Variants in UGT8 observed in about 807,000 individuals in gnomAD.
The protein encoded by UGT8 is 2-hydroxyacylsphingosine 1-beta-galactosyltransferase.
UGT8 carries 12 observed loss-of-function variants against 40.5 expected under a neutral mutation model. That is an observed-to-expected ratio of 0.30 (90% CI 0.19 to 0.48). The LOEUF is 0.48. Ranked by LOEUF, UGT8 falls within the 20% of genes least tolerant of loss-of-function variation. UGT8 has a pLI of 0.99. For missense variants in UGT8, 513 were observed against 648.7 expected (o/e 0.79, Z 2.27); for synonymous variants, 224 against 240.4 (o/e 0.93, Z 0.63).
intron 2 of UGT8, among the ~76,000 whole-genome samples, chr4:114,631,418 C>T (rs2126105606): frequency 6.6e-6 from 1 of 152,338 alleles, no homozygotes; most frequent in African/African-American, 2.4e-5. Context: ...ACCCGTGAGG[C>T]AGAGGTCACA....
chr4:114,603,622 G>C lies in UGT8; in HGVS notation c.-3+4648G>C, dbSNP rs1188055878. On this transcript the variant is annotated intron_variant, in intron 1 of 5. Coordinates refer to ENST00000310836, the MANE Select transcript of UGT8 (RefSeq NM_001128174.3). ...GTGAGAAGGTCAGGTACTGAAATGA[G>C]GGGGTGTTAGACAGTCTCGGTTCCC... is the stretch of plus-strand genomic sequence containing the variant. Among the ~76,000 whole-genome samples, 3 of 152,134 alleles carry C rather than the reference G, an allele frequency of 2.0e-5. No individual in the cohort carries two copies. The East Asian group carries it at 5.8e-4, about 29-fold the overall frequency.
intron 4 of UGT8, among the ~76,000 whole-genome samples, chr4:114,666,893 A>G (rs907826256): frequency 2.6e-5 from 4 of 152,046 alleles, no homozygotes; most frequent in African/African-American, 4.8e-5. Context: ...GTCCTCTAAT[A>G]GCTTCTAACT....
intron 2 of UGT8, among the ~76,000 whole-genome samples, chr4:114,627,059 C>T (rs1050952865): frequency 6.6e-6 from 1 of 152,154 alleles, no homozygotes; most frequent in African/African-American, 2.4e-5. Context: ...AACTTATCAT[C>T]TACTACCTGG....
chr4:114,609,079 T>C (rs942437631), intron 1 of UGT8, among the ~76,000 whole-genome samples: 9 of 152,102 alleles, frequency 5.9e-5, no homozygotes, highest in African/African-American at 1.7e-4. Context: ...AATAGGAATA[T>C]ATTTTAAGCC....
At chr4:114,621,911 T>TG (rs1337880066) in intron 1 of UGT8, among the ~76,000 whole-genome samples, 22 of 152,070 alleles carry the variant, frequency 1.4e-4, no homozygotes, top group African/African-American at 5.1e-4. Flanking sequence ...TTTTTAATAG[T>TG]GATTTTTTTT....
Position 114,602,642 on chromosome 4 carries a change from CAAG to C in UGT8, c.-3+3669_-3+3671del, listed in dbSNP as rs572857895. ...GGGCTCTAGGTTTAAAAGGGGGAGA[CAAG>C]GAGGAAACAGGCTATTTTCAATATC... On this transcript the variant is annotated intron_variant, in intron 1 of 5. Transcript: ENST00000310836. Among the ~76,000 whole-genome samples, 6 of 152,280 alleles carry C rather than the reference CAAG, an allele frequency of 3.9e-5. No homozygotes were observed. In the South Asian group the frequency reaches 1.2e-3, roughly 32 times the overall value.
intron 1 of UGT8, among the ~76,000 whole-genome samples, chr4:114,615,807 T>G (rs1262982723): frequency 6.6e-6 from 1 of 152,204 alleles, no homozygotes; most frequent in Non-Finnish European, 1.5e-5. Context: ...AACAAGCTAT[T>G]AGAGAGGTAG....
At chr4:114,635,588 A>G (rs923725967) in intron 2 of UGT8, among the ~76,000 whole-genome samples, 6 of 152,194 alleles carry the variant, frequency 3.9e-5, no homozygotes, top group African/African-American at 1.2e-4. Context: ...ATTTTGTAAA[A>G]TATTTATTTA....
At chr4:114,615,851 C>A (rs1160363758) in intron 1 of UGT8, among the ~76,000 whole-genome samples, 3 of 151,886 alleles carry the variant, frequency 2.0e-5, no homozygotes, top group Admixed American at 6.6e-5. Flanking sequence ...TGGCTATATG[C>A]CAAACTGAAG....
At chr4:114,629,057 G>A (rs1000432735) in intron 2 of UGT8, among the ~76,000 whole-genome samples, 2 of 151,994 alleles carry the variant, frequency 1.3e-5, no homozygotes, top group African/African-American at 4.8e-5. Flanking sequence ...AAGTCTCTAG[G>A]CTTGGATATG....
intron 1 of UGT8, among the ~76,000 whole-genome samples, chr4:114,620,042 TA>T (rs958747729): frequency 1.8e-4 from 28 of 152,048 alleles, no homozygotes; most frequent in Admixed American, 1.8e-3. Flanking sequence ...AGCAGTTCAT[TA>T]AAAATTATGT....
In UGT8 at chr4:114,611,926, G is replaced by T. The variant is rs997020267; in HGVS notation, c.-2-10953G>T. Among the ~76,000 whole-genome samples, 3 of 152,096 alleles carry T rather than the reference G, an allele frequency of 2.0e-5. No individual in the cohort carries two copies. The South Asian group carries it at 6.2e-4, about 31-fold the overall frequency. ...CCAGATCTGTAAAATCAGAAACCAT[G>T]AGGGCAGGCCCCACATGTGTGTTTG... On this transcript the variant is annotated intron_variant, in intron 1 of 5. Coordinates refer to ENST00000310836, the MANE Select transcript of UGT8 (RefSeq NM_001128174.3).
chr4:114,601,939 A>G (rs1730468763), intron 1 of UGT8, among the ~76,000 whole-genome samples: 1 of 151,826 alleles, frequency 6.6e-6, no homozygotes, highest in Non-Finnish European at 1.5e-5. Flanking sequence ...TTTTTCCATC[A>G]AATGATGTGG....
intron 5 of UGT8, among the ~76,000 whole-genome samples, chr4:114,670,871 A>G (rs1050560553): frequency 1.3e-5 from 2 of 152,220 alleles, no homozygotes; most frequent in African/African-American, 4.8e-5. Context: ...GAGGAAGTCA[A>G]ATTGTCTCTG....
intron 5 of UGT8, among the ~76,000 whole-genome samples, chr4:114,675,567 C>T (rs985279012): frequency 6.6e-6 from 1 of 150,762 alleles, no homozygotes; most frequent in African/African-American, 2.4e-5. Flanking sequence ...GGTGAAACCC[C>T]GTCTCTACTA....
Position 114,661,086 on chromosome 4 carries a change from TGTATATTTG to T in UGT8, c.823-2891_823-2883del, listed in dbSNP as rs893982593. Among the ~76,000 whole-genome samples the T allele has an allele frequency of 9.9e-5, 15 of 152,262 alleles. No individual in the cohort carries two copies. The East Asian group carries it at 1.7e-3, about 18-fold the overall frequency. On this transcript the variant is annotated intron_variant, in intron 2 of 5. Coordinates refer to ENST00000310836, the MANE Select transcript of UGT8 (RefSeq NM_001128174.3). ...TAGAAAAGTTTTCATGTTTTCTTCA[TGTATATTTG>T]GTATATTTGGTATATTTCTGTTAGG... is the stretch of plus-strand genomic sequence containing the variant.
rs533998670 is a variant in UGT8 at position 114,668,645 on chromosome 4, C to A, written c.1262+341C>A. On this transcript the variant is annotated intron_variant, in intron 5 of 5. Transcript: ENST00000310836. ...GCTGTATATCACAGTTTTTATTATC[C>A]ACATTATAGAGGCAAGGCACTTGAT... Among the ~76,000 whole-genome samples the A allele has an allele frequency of 3.3e-4, 50 of 152,118 alleles. No homozygotes were observed. The Middle Eastern group carries it at 0.01, about 31-fold the overall frequency.
intron 2 of UGT8, among the ~76,000 whole-genome samples, chr4:114,663,363 G>A (rs971812913): frequency 6.6e-6 from 1 of 152,080 alleles, no homozygotes; most frequent in Non-Finnish European, 1.5e-5. Context: ...TGCACAGCAA[G>A]TGTGTCATTC....
intron 2 of UGT8, among the ~76,000 whole-genome samples, chr4:114,638,586 G>A (rs773864973): frequency 1.3e-5 from 2 of 152,150 alleles, no homozygotes; most frequent in African/African-American, 2.4e-5. Flanking sequence ...AGGTCACCAC[G>A]TGTGAGACAC....
Sources: allele counts gnomAD v4.1 joint callset (sites outside exome capture counted in the v4.1 genomes callset), GRCh38; gene constraint gnomAD v4.1.1; transcripts MANE v1.5; gene names NCBI Gene and HGNC (gene_info 2026-07-23, HGNC 2026-07-21).